The following NDUFC1 variants were observed in gnomAD, a reference collection of about 807,000 sequenced individuals.
NDUFC1 encodes the protein NADH:ubiquinone oxidoreductase subunit C1, also known as NADH dehydrogenase [ubiquinone] 1 subunit C1, mitochondrial.
NDUFC1 carries 11 observed loss-of-function variants against 11.6 expected under a neutral mutation model. That is an observed-to-expected ratio of 0.95 (90% CI 0.60 to 1.58). The LOEUF (loss-of-function observed/expected upper bound fraction) is 1.58. Ranked by LOEUF, NDUFC1 falls within the 40% of genes most tolerant of loss-of-function variation. The probability of loss-of-function intolerance (pLI) is 0.00; values close to 1 mark genes in which losing one functional copy is unlikely to be tolerated. For missense variants in NDUFC1, 112 were observed against 93.0 expected (o/e 1.20, Z -0.84); for synonymous variants, 52 against 42.2 (o/e 1.23, Z -0.90).
chr4:139,295,169 AAATTTGTAACTT>A (rs1745407288), intron 3 of NDUFC1, 23 bp from the exon 4 acceptor site: 1 of 1,596,214 alleles, frequency 6.3e-7, no homozygotes, highest in Admixed American at 1.7e-5. Flanking sequence ...GAGGGTCTGT[AAATTTGTAACTT>A]ACTGCCTTGT....
At chr4:139,295,186 C>T in intron 3 of NDUFC1, 40 bp from the exon 4 acceptor site, 1 of 1,507,190 alleles carries the variant, frequency 6.6e-7, no homozygotes, top group Non-Finnish European at 9.2e-7. Context: ...TAACTTACTG[C>T]CTTGTAGGGA....
intron 1 of NDUFC1, chr4:139,301,862 G>T: frequency 6.4e-7 from 1 of 1,573,768 alleles, no homozygotes. Context: ...AAGCGGTGGG[G>T]AGGATTTAGC....
At position 139,295,774 on chromosome 4, in the gene NDUFC1, G is replaced by C; in HGVS notation, c.25C>G (p.Pro9Ala). 3 of 1,552,536 alleles carry C rather than the reference G, an allele frequency of 1.9e-6. No homozygotes were observed. In the South Asian group the frequency reaches 3.6e-5, roughly 18 times the overall value. The part of the protein sequence containing the change: MAPSALLR[P>A]LSRLLAPARL... ...GCGGGGGCCAGCAGCCGGGAAAGGG[G>C]ACGCAGCAAGGCGGACGGCGCCATC... Residue 9 changes from proline (P) to alanine (A), a missense_variant, in exon 3 of 6, where the codon CCC (proline) becomes GCC (alanine). Coordinates refer to ENST00000394223, the MANE Select transcript of NDUFC1 (RefSeq NM_001184989.2).
intron 5 of NDUFC1, among the ~76,000 whole-genome samples, 173 bp downstream of exon 5, chr4:139,292,357 C>T (rs1745264478): frequency 6.7e-6 from 1 of 149,196 alleles, no homozygotes; most frequent in Admixed American, 6.7e-5. Flanking sequence ...CAAAACAAAA[C>T]CAACTGCTTG....
intron 5 of NDUFC1, among the ~76,000 whole-genome samples, chr4:139,290,317 CT>C (rs1248275815): frequency 0.13 from 16,230 of 124,274 alleles, 1,181 homozygotes; most frequent in African/African-American, 0.29. Flanking sequence ...ATTTTTACCT[CT>C]TTTTTTTTTT....
chr4:139,295,256 C>T, intron 3 of NDUFC1, 110 bp from the exon 4 acceptor site: 1 of 824,254 alleles, frequency 1.2e-6, no homozygotes, highest in Non-Finnish European at 2.0e-6. Context: ...ACTCCCCCAT[C>T]TCCCACTTAA....
At chr4:139,297,881 T>C (rs987163800) in intron 1 of NDUFC1, among the ~76,000 whole-genome samples, 3 of 152,118 alleles carry the variant, frequency 2.0e-5, no homozygotes, top group African/African-American at 4.8e-5. Flanking sequence ...CTGTGCAACA[T>C]AGGTAGATAA....
rs1444575413 is a variant in NDUFC1, at chr4:139,295,091, C to G, written c.123G>C (p.Trp41Cys). The G allele has an allele frequency of 1.2e-6, 2 of 1,614,156 alleles. No individual in the cohort carries two copies. Among genetic ancestry groups the G allele is most frequent in the Non-Finnish European group, 1.7e-6 (2 of 1,180,020 alleles). Reference protein sequence around the residue: ...VREPPNAKPDWLKVGFTLGTT... With the variant: ...VREPPNAKPDCLKVGFTLGTT... ...TGCCCAAGGTGAACCCAACTTTCAG[C>G]CAGTCAGGTTTGGCATTCGGCGGCT... Residue 41 changes from tryptophan (W) to cysteine (C), a missense_variant, in exon 4 of 6, where the codon TGG becomes TGC. Transcript: ENST00000394223.
At chr4:139,290,677 T>C (rs1207052544) in intron 5 of NDUFC1, among the ~76,000 whole-genome samples, 1 of 151,976 alleles carries the variant, frequency 6.6e-6, no homozygotes, top group Non-Finnish European at 1.5e-5. Flanking sequence ...TATAAAAGGA[T>C]TAATATAGGA....
chr4:139,301,388 A>C, intron 1 of NDUFC1: 1 of 420,640 alleles, frequency 2.4e-6, no homozygotes, highest in Non-Finnish European at 4.2e-6. Context: ...CAGGCAGGCC[A>C]GCCTCCAGGT....
chr4:139,296,040 C>A, intron 2 of NDUFC1, 80 bp from the exon 3 acceptor site: 1 of 505,030 alleles, frequency 2.0e-6, no homozygotes, highest in Non-Finnish European at 3.4e-6. Context: ...GTTTTTCACC[C>A]CATCTCTACG....
In NDUFC1 at chr4:139,298,669, T is replaced by C. The variant is rs1164620669; in HGVS notation, c.-221-1226A>G. Among the ~76,000 whole-genome samples, 9 of 149,182 alleles carry C rather than the reference T, an allele frequency of 6.0e-5. No homozygotes were observed. In the East Asian group the frequency reaches 1.8e-3, roughly 29 times the overall value. On this transcript the variant is annotated intron_variant, in intron 1 of 5. Coordinates refer to ENST00000394223, the MANE Select transcript of NDUFC1 (RefSeq NM_001184989.2). ...CTAGGTGACAAATACATGAATTTCT[T>C]TTATATTCTTTTTTTTTTTTTGGAA...
intron 1 of NDUFC1, chr4:139,301,627 G>A: frequency 5.0e-6 from 4 of 798,846 alleles, no homozygotes; most frequent in South Asian, 3.4e-5. Flanking sequence ...GAGGTGTCCG[G>A]GTAGGGCAAC....
Position 139,295,139 on chromosome 4 carries a change from C to T in NDUFC1, c.75G>A (p.Val25=), listed in dbSNP as rs143217760. 1.9e-6 allele frequency: 3 copies of T among 1,614,076 alleles called. No homozygotes were observed. Among genetic ancestry groups the T allele is most frequent in the Non-Finnish European group, 2.5e-6 (3 of 1,179,946 alleles). ...GCTCTCGCACGTAGAACTTTGATCG[C>T]ACTGAAGCTGAAAGGGGAAGAGGGT... ...APARLPSGPS[V]RSKFYVREPP... Residue 25 remains valine, a synonymous_variant, in exon 4 of 6, where the codon GTG becomes GTA. Transcript: ENST00000394223.
chr4:139,301,319 T>G, intron 1 of NDUFC1: 1 of 395,794 alleles, frequency 2.5e-6, no homozygotes, highest in Non-Finnish European at 4.5e-6. Context: ...CGCGGGCGCT[T>G]CGAGGGTACC....
chr4:139,296,900 G>C (rs1745495508), intron 2 of NDUFC1, among the ~76,000 whole-genome samples: 1 of 152,148 alleles, frequency 6.6e-6, no homozygotes, highest in Non-Finnish European at 1.5e-5. Flanking sequence ...ATTCTCTTTA[G>C]CAATGTTATT....
rs34462002 is a variant in NDUFC1, at chr4:139,294,734, C to CA, written c.171+308dup. Among the ~76,000 whole-genome samples, 441 of 91,588 alleles carry CA rather than the reference C, an allele frequency of 4.8e-3. 1 individual carries two copies. The highest frequency in any genetic ancestry group is 0.01 in the East Asian group (30 of 2,874). The allele number at this position is 91,588 out of a possible 152,430, so 60.1% of individuals were successfully genotyped here. A position where few individuals can be genotyped will look rare whatever the true frequency, so the allele number is the denominator to read the frequency against. On this transcript the variant is annotated intron_variant, in intron 4 of 5. Transcript: ENST00000394223. ...TGGGAGACAGAGTGAGACTCCATCTCAAAAAAAAAAAAAAAAAGTATAATT... is the reference window on the plus strand; with the variant it reads ...TGGGAGACAGAGTGAGACTCCATCTCAAAAAAAAAAAAAAAAAAGTATAATT...
intron 1 of NDUFC1, among the ~76,000 whole-genome samples, chr4:139,299,575 G>A (rs1745618044): frequency 6.6e-6 from 1 of 152,092 alleles, no homozygotes; most frequent in Non-Finnish European, 1.5e-5. Flanking sequence ...TAACTCAAAT[G>A]GGATCTCTAT....
At chr4:139,301,489 C>G (rs1745731372) in intron 1 of NDUFC1, 2 of 453,766 alleles carry the variant, frequency 4.4e-6, no homozygotes, top group Non-Finnish European at 3.9e-6. Flanking sequence ...GGAAAACCCT[C>G]CGCGTCCGCC....
Sources: allele counts gnomAD v4.1 joint callset (sites outside exome capture counted in the v4.1 genomes callset), GRCh38; gene constraint gnomAD v4.1.1; transcripts MANE v1.5; gene names NCBI Gene and HGNC (gene_info 2026-07-23, HGNC 2026-07-21).